Variants in PPME1 observed in about 807,000 individuals in gnomAD.
The protein encoded by PPME1 is protein phosphatase methylesterase 1.
PPME1 carries 17 observed loss-of-function variants against 56.9 expected under a neutral mutation model. That is an observed-to-expected ratio of 0.30 (90% confidence interval 0.20 to 0.45). The LOEUF is 0.45. Among genes scored for constraint, PPME1 ranks in the 20% least tolerant of loss-of-function variants. PPME1 has a pLI of 1.00. For missense variants in PPME1, 357 were observed against 483.2 expected (o/e 0.74, Z 2.45); for synonymous variants, 122 against 156.2 (o/e 0.78, Z 1.63).
chr11:74,184,165 A>G (rs558659470), intron 1 of PPME1, among the ~76,000 whole-genome samples: 3 of 152,316 alleles, frequency 2.0e-5, no homozygotes, highest in African/African-American at 7.2e-5. Context: ...CCTAGTACAT[A>G]TACATGTCTA....
At chr11:74,184,172 T>G (rs1286461569) in intron 1 of PPME1, among the ~76,000 whole-genome samples, 4 of 152,236 alleles carry the variant, frequency 2.6e-5, no homozygotes, top group Non-Finnish European at 5.9e-5. Flanking sequence ...CATATACATG[T>G]CTAGCTTGTT....
At chr11:74,220,498 C>T (rs1858770450) in intron 3 of PPME1, among the ~76,000 whole-genome samples, 1 of 152,154 alleles carries the variant, frequency 6.6e-6, no homozygotes, top group South Asian at 2.1e-4. Flanking sequence ...TTGAAAACCA[C>T]CTGGAACCAG....
At chr11:74,241,447 C>T (rs979685671) in intron 9 of PPME1, among the ~76,000 whole-genome samples, 2 of 152,060 alleles carry the variant, frequency 1.3e-5, no homozygotes, top group Non-Finnish European at 2.9e-5. Context: ...CTTCTTTGAA[C>T]ATTTGTGTGC....
chr11:74,240,785 T>A (rs1322010257), intron 9 of PPME1, among the ~76,000 whole-genome samples: 1 of 152,132 alleles, frequency 6.6e-6, no homozygotes. Flanking sequence ...TTAAGAGACT[T>A]GCCCAAGGTA....
At chr11:74,249,527 G>A (rs947423670) in intron 11 of PPME1, 2 of 152,184 alleles carry the variant, frequency 1.3e-5, no homozygotes, top group East Asian at 1.9e-4. Flanking sequence ...GGACAAATGC[G>A]TCCCTAGTCA....
chr11:74,200,382 TG>T (rs1208871073), intron 1 of PPME1, among the ~76,000 whole-genome samples: 1 of 151,774 alleles, frequency 6.6e-6, no homozygotes, highest in African/African-American at 2.4e-5. Flanking sequence ...TGTGTGTGTG[TG>T]TGTGTGTGTG....
intron 1 of PPME1, among the ~76,000 whole-genome samples, chr11:74,188,134 T>G (rs1857735823): frequency 1.3e-5 from 2 of 152,136 alleles, no homozygotes; most frequent in Non-Finnish European, 2.9e-5. Flanking sequence ...CTTATAGGCC[T>G]TTGTAGTAGA....
At chr11:74,240,321 GTGTATTT>G (rs1565394838) in intron 9 of PPME1, among the ~76,000 whole-genome samples, 1 of 152,164 alleles carries the variant, frequency 6.6e-6, no homozygotes, top group Admixed American at 6.5e-5. Context: ...AACAAAAAAT[GTGTATTT>G]TGTGGCAGAA....
intron 5 of PPME1, among the ~76,000 whole-genome samples, chr11:74,228,791 A>G (rs552342770): frequency 2.0e-5 from 3 of 152,304 alleles, no homozygotes; most frequent in African/African-American, 4.8e-5. Context: ...GAAAGTTTAG[A>G]GCACAACTGA....
chr11:74,252,711 G>A (rs774547233), intron 13 of PPME1, among the ~76,000 whole-genome samples: 2 of 152,146 alleles, frequency 1.3e-5, no homozygotes, highest in Admixed American at 1.3e-4. Flanking sequence ...TTGACAAACA[G>A]AAATGTCTCC....
Position 74,247,132 on chromosome 11 carries a change from T to C in PPME1, c.1009+9T>C. ...CATTGGCCAGATGCAAGGTAAGTTA[T>C]CAAGAAATTATACCCCTGGACCCTT... is the stretch of plus-strand genomic sequence containing the variant. On this transcript the variant is annotated intron_variant, in intron 11 of 13. Transcript: ENST00000328257. 2 of 1,607,416 alleles carry C rather than the reference T, an allele frequency of 1.2e-6. No individual in the cohort carries two copies. Among genetic ancestry groups the C allele is most frequent in the Non-Finnish European group, 1.7e-6 (2 of 1,174,458 alleles).
chr11:74,247,437 C>T (rs1859531162), intron 11 of PPME1: 1 of 212,696 alleles, frequency 4.7e-6, no homozygotes, highest in South Asian at 1.6e-4. Context: ...GTGTATGATA[C>T]TGTGAAAAGA....
At chr11:74,193,960 T>TA (rs1212853346) in intron 1 of PPME1, among the ~76,000 whole-genome samples, 1 of 152,156 alleles carries the variant, frequency 6.6e-6, no homozygotes, top group African/African-American at 2.4e-5. Context: ...GGAACTTTCT[T>TA]AAAGTTCTTA....
At chr11:74,239,095 A>C in intron 8 of PPME1, 38 bp from the exon 9 acceptor site, 1 of 1,587,854 alleles carries the variant, frequency 6.3e-7, no homozygotes, top group African/African-American at 1.4e-5. Flanking sequence ...TGTGTATTGG[A>C]AAGAGGTGTG....
chr11:74,180,182 A>G (rs1409491166), intron 1 of PPME1, among the ~76,000 whole-genome samples: 1 of 151,804 alleles, frequency 6.6e-6, no homozygotes, highest in Non-Finnish European at 1.5e-5. Flanking sequence ...TGATCATATA[A>G]TTTTGTTGGT....
intron 9 of PPME1, among the ~76,000 whole-genome samples, chr11:74,242,657 G>A (rs1352905912): frequency 6.6e-6 from 1 of 151,834 alleles, no homozygotes; most frequent in African/African-American, 2.4e-5. Context: ...GAGGTGGGTG[G>A]ATCACGAGGT....
At chr11:74,172,834 A>G (rs1450189055) in intron 1 of PPME1, among the ~76,000 whole-genome samples, 2 of 152,220 alleles carry the variant, frequency 1.3e-5, no homozygotes, top group African/African-American at 2.4e-5. Flanking sequence ...TATTCTTTGA[A>G]AAAGGACTAC....
rs1332859104 is a variant in PPME1, at chr11:74,245,346, A to T, written c.835-730A>T. 2.6e-5 allele frequency among the ~76,000 whole-genome samples: 4 copies of T among 152,108 alleles called. No homozygotes were observed. The East Asian group carries it at 7.7e-4, about 29-fold the overall frequency. ...ATCTCATGTTCACTTTTAGATTTTCATATTGTGGTTGATTCAGTATATTTA... is the reference window on the plus strand; with the variant it reads ...ATCTCATGTTCACTTTTAGATTTTCTTATTGTGGTTGATTCAGTATATTTA... On this transcript the variant is annotated intron_variant, in intron 9 of 13. Coordinates refer to ENST00000328257, the MANE Select transcript of PPME1 (RefSeq NM_016147.3).
chr11:74,230,268 C>T lies in PPME1; in HGVS notation c.422C>T (p.Ala141Val). Residue 141 changes from alanine (A) to valine (V), a missense_variant, in exon 6 of 14, where the codon GCC becomes GTC. Ala to Val is a moderately conservative substitution (Grantham distance 64). Coordinates refer to ENST00000328257, the MANE Select transcript of PPME1 (RefSeq NM_016147.3). The surrounding 1 kb of genome is among the most constrained non-coding windows in gnomAD (Gnocchi z 4.9). Reference sequence around the variant, plus strand: ...AGAGACGTTGGCAATGTGGTTGAAGCCATGTATGGGGACCTTCCTCCTCCA... The same window carrying T: ...AGAGACGTTGGCAATGTGGTTGAAGTCATGTATGGGGACCTTCCTCCTCCA... ...MAKDVGNVVE[A>V]MYGDLPPPIM... 1 of 1,611,488 alleles carries T rather than the reference C, an allele frequency of 6.2e-7. No individual in the cohort carries two copies.
Sources: allele counts gnomAD v4.1 joint callset (sites outside exome capture counted in the v4.1 genomes callset), GRCh38; gene constraint gnomAD v4.1.1; non-coding constraint Gnocchi (gnomAD v3.1); transcripts MANE v1.5; gene names NCBI Gene and HGNC (gene_info 2026-07-23, HGNC 2026-07-21).